TMOD1: variants seen among roughly 807,000 people sequenced by gnomAD.
TMOD1 encodes tropomodulin 1, also known as tropomodulin-1.
Under a neutral mutation model 40.6 loss-of-function variants are expected in TMOD1, and 17 were observed. The ratio of observed to expected loss-of-function variants is 0.42; its 90% CI spans 0.29 to 0.63. TMOD1 has a LOEUF of 0.63. Among genes scored for constraint, TMOD1 ranks in the 20% least tolerant of loss-of-function variants. TMOD1 has a pLI of 0.22. For synonymous variants in TMOD1, 181 were observed against 175.0 expected (o/e 1.03, Z -0.27); for missense variants, 391 against 447.6 (o/e 0.87, Z 1.14).
chr9:97,502,878 CCA>C lies in TMOD1; in HGVS notation c.-49+1078_-49+1079del, dbSNP rs1731501822. Among the ~76,000 whole-genome samples, 2 of 152,190 alleles carry C rather than the reference CCA, an allele frequency of 1.3e-5. No homozygotes were observed. The highest frequency in any genetic ancestry group is 6.5e-5 in the Admixed American group (1 of 15,282). The stretch of plus-strand genomic sequence containing the variant: ...TGGTTCCAGTACAGCCGCTCCCTGG[CCA>C]CAGTTTCCCGGTCTATATCGGGCCT... On this transcript the variant is annotated intron_variant, in intron 1 of 9. Coordinates refer to ENST00000259365, the MANE Select transcript of TMOD1 (RefSeq NM_003275.4). The surrounding 1 kb of genome is among the most constrained non-coding windows in gnomAD (Gnocchi z 6.1).
intron 8 of TMOD1, among the ~76,000 whole-genome samples, chr9:97,588,453 A>G: frequency 6.6e-6 from 1 of 152,182 alleles, no homozygotes; most frequent in East Asian, 1.9e-4. Flanking sequence ...TTGAGTTCTA[A>G]TAGTTCTTTA....
At chr9:97,523,319 G>A (rs1829946708) in intron 1 of TMOD1, among the ~76,000 whole-genome samples, 1 of 152,154 alleles carries the variant, frequency 6.6e-6, no homozygotes, top group African/African-American at 2.4e-5. Flanking sequence ...AGCAGCAGAG[G>A]TGAACCCTGG....
chr9:97,591,643 T>C (rs1005859374), intron 9 of TMOD1, among the ~76,000 whole-genome samples: 1 of 152,126 alleles, frequency 6.6e-6, no homozygotes, highest in Non-Finnish European at 1.5e-5. Flanking sequence ...TAAGGCTGAG[T>C]CCTCTCCTCC....
At chr9:97,520,824 C>G (rs1829903482) in intron 1 of TMOD1, among the ~76,000 whole-genome samples, 1 of 152,134 alleles carries the variant, frequency 6.6e-6, no homozygotes, top group Non-Finnish European at 1.5e-5. Context: ...CACCACATAT[C>G]CCTCCTTCAG....
intron 8 of TMOD1, among the ~76,000 whole-genome samples, chr9:97,584,638 G>A (rs966749079): frequency 1.3e-5 from 2 of 152,194 alleles, no homozygotes; most frequent in African/African-American, 2.4e-5. Flanking sequence ...GGGAGTCTAA[G>A]TCTCTCTGTA....
intron 2 of TMOD1, among the ~76,000 whole-genome samples, chr9:97,540,931 G>C (rs111421093): frequency 1.3e-5 from 2 of 152,232 alleles, no homozygotes; most frequent in African/African-American, 4.8e-5. Context: ...TTTCCAAAAG[G>C]GTTGTATCAT....
intron 6 of TMOD1, among the ~76,000 whole-genome samples, chr9:97,564,717 T>A (rs1830699837): frequency 1.3e-5 from 2 of 152,182 alleles, no homozygotes; most frequent in Admixed American, 1.3e-4. Context: ...TGTGCACATT[T>A]CCTTATGTGA....
chr9:97,542,081 A>G (rs2072323347), intron 2 of TMOD1, among the ~76,000 whole-genome samples: 1 of 152,204 alleles, frequency 6.6e-6, no homozygotes, highest in Non-Finnish European at 1.5e-5. Context: ...ATTTATGCCT[A>G]TGTTTTCTTC....
chr9:97,585,766 T>C (rs1444922001), intron 8 of TMOD1, among the ~76,000 whole-genome samples: 5 of 137,832 alleles, frequency 3.6e-5, no homozygotes, highest in East Asian at 4.1e-4. Flanking sequence ...CATCTTCCAT[T>C]GCTGATACCC....
At chr9:97,542,301 C>T (rs1206312528) in intron 2 of TMOD1, among the ~76,000 whole-genome samples, 1 of 152,140 alleles carries the variant, frequency 6.6e-6, no homozygotes, top group African/African-American at 2.4e-5. Context: ...AAACTTTAAC[C>T]TCTAATGAGG....
At position 97,531,041 on chromosome 9, in the gene TMOD1, C is replaced by CA. The variant is rs563049811; in HGVS notation, c.120+6733_120+6734insA. Among the ~76,000 whole-genome samples, 11 of 136,734 alleles carry CA rather than the reference C, an allele frequency of 8.0e-5. 1 individual carries two copies. The South Asian group carries it at 2.1e-3, about 26-fold the overall frequency. 89.7% of individuals were successfully genotyped at this position (136,734 alleles called of 152,430 possible). ...GACCTTAGGTGATCCACACCCACCC[C>CA]CCCCACCACCCCTTGGCCTCCCAAA... On this transcript the variant is annotated intron_variant, in intron 2 of 9. Coordinates refer to ENST00000259365, the MANE Select transcript of TMOD1 (RefSeq NM_003275.4).
intron 2 of TMOD1, among the ~76,000 whole-genome samples, chr9:97,528,743 G>A (rs1053475355): frequency 2.6e-5 from 4 of 152,184 alleles, no homozygotes; most frequent in African/African-American, 7.2e-5. Context: ...TTCAGAGCAG[G>A]AGCAGAGCCC....
At chr9:97,554,614 T>C (rs1830507408) in intron 4 of TMOD1, among the ~76,000 whole-genome samples, 2 of 151,878 alleles carry the variant, frequency 1.3e-5, no homozygotes, top group South Asian at 4.2e-4. Flanking sequence ...TAGCCACAAA[T>C]AGGCTGAGAA....
chr9:97,555,654 A>C (rs1420846851), intron 4 of TMOD1: 1 of 1,551,196 alleles, frequency 6.4e-7, no homozygotes, highest in South Asian at 1.2e-5. Context: ...AGATGGCAGC[A>C]TCTCTGGGGA....
Position 97,502,231 on chromosome 9 carries a change from C to T in TMOD1, c.-49+428C>T, listed in dbSNP as rs185553614. 5.9e-3 allele frequency among the ~76,000 whole-genome samples: 893 copies of T among 152,266 alleles called. 13 individuals carry two copies. The highest frequency in any genetic ancestry group is 0.021 in the African/African-American group (859 of 41,562). On this transcript the variant is annotated intron_variant, in intron 1 of 9. Coordinates refer to ENST00000259365, the MANE Select transcript of TMOD1 (RefSeq NM_003275.4). This position sits in a 1 kb window ranked among gnomAD's most constrained non-coding sequence, Gnocchi z 6.1. ...AGCTGGGTACAGGTGCCAGCCGGAG[C>T]TGGGCTCGGGGGCGCGGCCTCTTCT...
At chr9:97,592,956 AC>A (rs1826031370) in intron 9 of TMOD1, among the ~76,000 whole-genome samples, 1 of 152,254 alleles carries the variant, frequency 6.6e-6, no homozygotes, top group Admixed American at 6.5e-5. Context: ...TAAAATAAGA[AC>A]AAACACAAAT....
At chr9:97,567,904 C>T (rs1830756816) in intron 7 of TMOD1, among the ~76,000 whole-genome samples, 1 of 152,164 alleles carries the variant, frequency 6.6e-6, no homozygotes, top group South Asian at 2.1e-4. Flanking sequence ...CAGCAGGGCC[C>T]ACCGATCAGT....
chr9:97,544,827 G>T (rs750408828), intron 2 of TMOD1, among the ~76,000 whole-genome samples: 38 of 151,962 alleles, frequency 2.5e-4, no homozygotes, highest in Non-Finnish European at 3.1e-4. Flanking sequence ...GGCCAATATG[G>T]TGAAACACTG....
intron 9 of TMOD1, among the ~76,000 whole-genome samples, chr9:97,594,746 AG>A (rs1308622962): frequency 6.6e-6 from 1 of 152,248 alleles, no homozygotes; most frequent in African/African-American, 2.4e-5. Context: ...CTGTGAGTGC[AG>A]GGTGCCAGGG....
Sources: gnomAD v4.1 joint callset for allele counts (sites outside exome capture counted in the v4.1 genomes callset) on GRCh38, gnomAD v4.1.1 for gene constraint, Gnocchi (gnomAD v3.1) non-coding constraint, MANE v1.5 for transcripts, NCBI Gene and HGNC (gene_info 2026-07-23, HGNC 2026-07-21) for gene names.